The following MAST2 variants were observed in gnomAD, a reference collection of about 807,000 sequenced individuals.
The protein encoded by MAST2 is microtubule associated serine/threonine kinase 2.
In MAST2, 70 loss-of-function variants were observed where a neutral mutation model predicts 147.4. The ratio of observed to expected loss-of-function variants is 0.47; its 90% CI spans 0.39 to 0.58. The LOEUF (loss-of-function observed/expected upper bound fraction) is 0.58. Among genes scored for constraint, MAST2 ranks in the 20% least tolerant of loss-of-function variants. The pLI, the probability that MAST2 is intolerant of heterozygous loss-of-function variation, is 0.00. For synonymous variants in MAST2, 869 were observed against 896.8 expected, an observed-to-expected ratio of 0.97 and a Z score of 0.55; for missense variants, 2,080 against 2,302.3, an observed-to-expected ratio of 0.90 and a Z score of 1.98.
chr1:46,032,668 G>T lies in MAST2; in HGVS notation c.3487G>T (p.Glu1163Ter). The change falls in exon 26 of 29, where the codon GAA becomes TAA. Residue 1163 changes from glutamate (E) to a stop codon, truncating the protein, a stop_gained. Transcript: ENST00000361297. LOFTEE classifies it high-confidence loss of function. ...TGACCTCATCACCCATGTCAATGGG[G>T]AACCTGTGCATGGCCTGGTGCACAC... Reference protein sequence around the residue: ...QGDLITHVNGEPVHGLVHTEV... With the variant: ...QGDLITHVNG 1 of 1,614,206 alleles carries T rather than the reference G, an allele frequency of 6.2e-7. No homozygotes were observed. Among genetic ancestry groups the T allele is most frequent in the Non-Finnish European group, 8.5e-7 (1 of 1,180,024 alleles).
At chr1:45,812,988 G>A (rs903211597) in intron 1 of MAST2, among the ~76,000 whole-genome samples, 9 of 151,836 alleles carry the variant, frequency 5.9e-5, no homozygotes, top group African/African-American at 1.9e-4. Context: ...AATATCTCTC[G>A]GGGATTGAGT....
chr1:45,829,072 G>A lies in MAST2; in HGVS notation c.326-367G>A, dbSNP rs897893277. On this transcript the variant is annotated intron_variant, in intron 2 of 28. Transcript: ENST00000361297. The stretch of plus-strand genomic sequence containing the variant: ...TGAGAGCAGAATAGGTTCATTGTTT[G>A]CCTGCTGGAAACTTGCATCTCTAAT... 2.0e-5 allele frequency among the ~76,000 whole-genome samples: 3 copies of A among 152,184 alleles called. No individual in the cohort carries two copies. In the East Asian group the frequency reaches 5.8e-4, roughly 29 times the overall value.
chr1:45,867,822 G>T (rs1410675985), intron 3 of MAST2, among the ~76,000 whole-genome samples: 1 of 152,204 alleles, frequency 6.6e-6, no homozygotes, highest in Admixed American at 6.5e-5. Flanking sequence ...TTGACTCTGA[G>T]TGGTTTAAAT....
intron 6 of MAST2, among the ~76,000 whole-genome samples, chr1:45,999,332 T>C (rs1445040946): frequency 2.0e-5 from 3 of 152,310 alleles, no homozygotes; most frequent in East Asian, 3.9e-4. Flanking sequence ...ACTTACAGTA[T>C]AAGAATATGC....
chr1:45,821,217 T>G (rs1286552552), intron 1 of MAST2, among the ~76,000 whole-genome samples: 1 of 152,116 alleles, frequency 6.6e-6, no homozygotes, highest in Non-Finnish European at 1.5e-5. Context: ...TTTCCTCATT[T>G]TTGAAGGACA....
chr1:46,035,059 C>A lies in MAST2; in HGVS notation c.4390C>A (p.Leu1464Met), dbSNP rs1427238338. Residue 1464 changes from leucine (L) to methionine (M), a missense_variant, in exon 29 of 29, where the codon CTG becomes ATG. Leu to Met is a conservative substitution (Grantham distance 15). Around this residue, in one of 4 missense-constraint regions of MAST2, gnomAD observed 1,278 missense variants for 1,304.2 expected, o/e 0.98. Coordinates refer to ENST00000361297, the MANE Select transcript of MAST2 (RefSeq NM_015112.3). This position sits in a 1 kb window ranked among gnomAD's most constrained non-coding sequence, Gnocchi z 5.5. ...ARSVLSGKGALPGKGVLQPAP... is the reference protein window; with the variant it reads ...ARSVLSGKGAMPGKGVLQPAP... ...GAGTGTGCTGTCTGGCAAGGGGGCCCTGCCAGGGAAGGGGGTGCTGCAGCC... is the reference window on the plus strand; with the variant it reads ...GAGTGTGCTGTCTGGCAAGGGGGCCATGCCAGGGAAGGGGGTGCTGCAGCC... 1.2e-6 allele frequency: 2 copies of A among 1,613,822 alleles called. No homozygotes were observed. The highest frequency in any genetic ancestry group is 1.7e-6 in the Non-Finnish European group (2 of 1,179,986).
At chr1:45,901,290 T>C (rs1039884944) in intron 4 of MAST2, among the ~76,000 whole-genome samples, 36 of 152,334 alleles carry the variant, frequency 2.4e-4, no homozygotes, top group African/African-American at 8.4e-4. Flanking sequence ...TGGTCAACTT[T>C]GTTGAAGATC....
At chr1:45,976,315 G>T (rs932080289) in intron 5 of MAST2, among the ~76,000 whole-genome samples, 15 of 152,098 alleles carry the variant, frequency 9.9e-5, no homozygotes, top group Non-Finnish European at 2.2e-4. Flanking sequence ...AGGCAAAGTG[G>T]TCCGGGCACA....
At chr1:45,821,164 T>C (rs552578875) in intron 1 of MAST2, among the ~76,000 whole-genome samples, 2 of 152,080 alleles carry the variant, frequency 1.3e-5, no homozygotes, top group Admixed American at 1.3e-4. Context: ...CCTCCCAGAG[T>C]GTTGGGATTA....
At chr1:45,869,456 T>C (rs531467697) in intron 3 of MAST2, among the ~76,000 whole-genome samples, 15 of 152,330 alleles carry the variant, frequency 9.8e-5, no homozygotes, top group African/African-American at 3.6e-4. Flanking sequence ...CACAAATTGG[T>C]GGTCTGGTGA....
At chr1:45,844,125 G>T (rs1258334089) in intron 3 of MAST2, among the ~76,000 whole-genome samples, 1 of 151,950 alleles carries the variant, frequency 6.6e-6, no homozygotes, top group Non-Finnish European at 1.5e-5. Context: ...TTTGAGACAG[G>T]ATCTTGCTCT....
In MAST2 at chr1:46,033,659, T is replaced by C. The variant is rs897101410; in HGVS notation, c.3538-143T>C. On this transcript the variant is annotated intron_variant, in intron 26 of 28. Coordinates refer to ENST00000361297, the MANE Select transcript of MAST2 (RefSeq NM_015112.3). ...ATTTCCTCATCTGTAAAAACAATAA[T>C]ATAGGCCTGTGGTTCAGATGTGTTG... The C allele has an allele frequency of 5.8e-5, 63 of 1,082,092 alleles. 1 individual carries two copies. The Middle Eastern group carries it at 9.9e-4, about 17-fold the overall frequency. 67.0% of individuals were successfully genotyped at this position (1,082,092 alleles called of 1,614,324 possible).
intron 6 of MAST2, chr1:46,000,898 A>G (rs961030958): frequency 1.6e-5 from 20 of 1,222,720 alleles, no homozygotes; most frequent in Non-Finnish European, 2.0e-5. Flanking sequence ...ACCAAGATTC[A>G]AAAAGATCAC....
chr1:46,033,262 ACT>A (rs1285910923), intron 26 of MAST2, among the ~76,000 whole-genome samples: 1 of 143,428 alleles, frequency 7.0e-6, no homozygotes, highest in African/African-American at 2.6e-5. Context: ...ACACAGCAAG[ACT>A]CTGTTTCCAA....
chr1:45,852,862 A>T (rs781108036), intron 3 of MAST2, among the ~76,000 whole-genome samples: 55 of 151,756 alleles, frequency 3.6e-4, no homozygotes, highest in Admixed American at 5.3e-4. Flanking sequence ...GATAGATTTT[A>T]TGTGTTTGTT....
intron 10 of MAST2, among the ~76,000 whole-genome samples, chr1:46,016,709 G>C (rs998442918): frequency 2.6e-5 from 4 of 152,184 alleles, no homozygotes; most frequent in Admixed American, 2.0e-4. Context: ...CATGCTCATG[G>C]GTAGGAAGAA....
Position 46,032,356 on chromosome 1 carries a change from C to A in MAST2, c.3366C>A (p.Arg1122=). 1 of 1,613,484 alleles carries A rather than the reference C, an allele frequency of 6.2e-7. No homozygotes were observed. The highest frequency in any genetic ancestry group is 8.5e-7 in the Non-Finnish European group (1 of 1,179,856). ...KKYGFTLRAI[R]VYMGDSDVYT... ...ATGGCTTCACCCTGCGGGCCATTCG[C>A]GTCTACATGGGTGACTCCGATGTCT... The change falls in exon 25 of 29, where the codon CGC becomes CGA. Residue 1122 remains arginine (R), a synonymous_variant. Coordinates refer to ENST00000361297, the MANE Select transcript of MAST2 (RefSeq NM_015112.3).
chr1:45,958,030 A>T (rs1290936921), intron 4 of MAST2, among the ~76,000 whole-genome samples: 10 of 152,182 alleles, frequency 6.6e-5, no homozygotes, highest in Admixed American at 6.5e-4. Flanking sequence ...ACTGAGTTCA[A>T]GGAGGCAAAG....
At chr1:45,976,395 G>C (rs1644158082) in intron 5 of MAST2, among the ~76,000 whole-genome samples, 1 of 152,080 alleles carries the variant, frequency 6.6e-6, no homozygotes, top group Non-Finnish European at 1.5e-5. Flanking sequence ...TTAGGAGGTG[G>C]AGACCAGCCT....
Sources: allele counts gnomAD v4.1 joint callset (sites outside exome capture counted in the v4.1 genomes callset), GRCh38; gene constraint gnomAD v4.1.1; regional missense constraint gnomAD v4.1.1; non-coding constraint Gnocchi (gnomAD v3.1); transcripts MANE v1.5; gene names NCBI Gene and HGNC (gene_info 2026-07-23, HGNC 2026-07-21).